The following MCMBP variants were observed in gnomAD, a reference collection of about 807,000 sequenced individuals.
The protein encoded by MCMBP is minichromosome maintenance complex binding protein, also known as mini-chromosome maintenance complex-binding protein.
MCMBP carries 31 observed loss-of-function variants against 81.3 expected under a neutral mutation model. The observed-to-expected ratio is 0.38, with a 90% CI of 0.29 to 0.51. The LOEUF (loss-of-function observed/expected upper bound fraction) is 0.51. Ranked by LOEUF, MCMBP falls within the 20% of genes least tolerant of loss-of-function variation. MCMBP has a pLI of 0.87. For synonymous variants in MCMBP, 267 were observed against 275.9 expected, an observed-to-expected ratio of 0.97 and a Z score of 0.32; for missense variants, 645 against 772.1, an observed-to-expected ratio of 0.84 and a Z score of 1.95.
chr10:119,840,915 G>C lies in MCMBP; in HGVS notation c.1170C>G (p.Asn390Lys). The C allele has an allele frequency of 2.5e-6, 4 of 1,610,914 alleles. No individual in the cohort carries two copies. The highest frequency in any genetic ancestry group is 3.4e-6 in the Non-Finnish European group (4 of 1,178,752). ...TACTATTCCGTGGGCAACCACTCAA[G>C]TTAACTGTAAATTTTCCTAGTGGAA... The part of the protein sequence containing the change: ...DVLPLGKFTV[N>K]LSGCPRNSTF... The change falls in exon 11 of 16, where the codon AAC (asparagine) becomes AAG (lysine). Residue 390 changes from asparagine to lysine, a missense_variant. Coordinates refer to ENST00000369077, the MANE Select transcript of MCMBP (RefSeq NM_001256378.2).
chr10:119,847,993 C>T (rs1852676585), intron 7 of MCMBP, among the ~76,000 whole-genome samples: 1 of 151,630 alleles, frequency 6.6e-6, no homozygotes, highest in Non-Finnish European at 1.5e-5. Flanking sequence ...TTAAAAAAAG[C>T]CTTTTCCCAA....
At chr10:119,866,433 CTGACCAACAT>C (rs1853456587) in intron 1 of MCMBP, among the ~76,000 whole-genome samples, 1 of 152,196 alleles carries the variant, frequency 6.6e-6, no homozygotes, top group Admixed American at 6.5e-5. Flanking sequence ...CAAGAGCAGC[CTGACCAACAT>C]GGTAAAACTC....
intron 14 of MCMBP, among the ~76,000 whole-genome samples, chr10:119,834,515 T>A (rs921359257): frequency 6.6e-6 from 1 of 151,866 alleles, no homozygotes; most frequent in African/African-American, 2.4e-5. Flanking sequence ...CATTCCCAGA[T>A]AAACAAAAAC....
chr10:119,842,598 G>GAAGGAGA lies in MCMBP; in HGVS notation c.1001-10_1001-4dup. ...TTCGGACATGAAACTTGAAACAACT[G>GAAGGAGA]AAGGAGAAAGGAAGACCTGAGTCAG... On this transcript the variant is annotated splice_region_variant and splice_polypyrimidine_tract_variant and intron_variant, in intron 9 of 15. Transcript: ENST00000369077. The GAAGGAGA allele has an allele frequency of 6.2e-7, 1 of 1,612,116 alleles. No individual in the cohort carries two copies. The highest frequency in any genetic ancestry group is 1.7e-5 in the Admixed American group (1 of 59,720).
chr10:119,841,263 T>C (rs936585685), intron 10 of MCMBP, among the ~76,000 whole-genome samples: 4 of 152,160 alleles, frequency 2.6e-5, no homozygotes, highest in Admixed American at 2.6e-4. Flanking sequence ...ACAGAGATGA[T>C]AATAAGCAAC....
chr10:119,842,426 C>T, intron 10 of MCMBP, 46 bp downstream of exon 10: 1 of 1,577,108 alleles, frequency 6.3e-7, no homozygotes, highest in African/African-American at 1.4e-5. Context: ...CTTCCACTTC[C>T]ACACACACCA....
intron 6 of MCMBP, among the ~76,000 whole-genome samples, chr10:119,851,063 G>A (rs577965576): frequency 6.6e-6 from 1 of 151,756 alleles, no homozygotes; most frequent in African/African-American, 2.4e-5. Context: ...AGTAGAGATG[G>A]GGTTTCACCA....
At chr10:119,872,491 TGCCCGCCCG>T in intron 1 of MCMBP, 27 bp downstream of exon 1, 2 of 1,144,714 alleles carry the variant, frequency 1.7e-6, no homozygotes, top group Non-Finnish European at 2.2e-6. Context: ...CAAACTCGGC[TGCCCGCCCG>T]GCCCGCCCCC....
In MCMBP at chr10:119,831,644, AG is replaced by A. The variant is rs1852040608; in HGVS notation, c.1797-45del. ...ACAAATTTAAGTCTAGAGCTGGGAT[AG>A]TAAGTTTTAAATTTTTTTTAAGACC... is the stretch of plus-strand genomic sequence containing the variant. On this transcript the variant is annotated intron_variant, in intron 15 of 15. Coordinates refer to ENST00000369077, the MANE Select transcript of MCMBP (RefSeq NM_001256378.2). The A allele has an allele frequency of 2.5e-6, 4 of 1,595,334 alleles. No homozygotes were observed. In the Admixed American group the frequency reaches 7.3e-5, roughly 29 times the overall value.
chr10:119,829,700 T>C lies in MCMBP; in HGVS notation c.*1774A>G, dbSNP rs1851922833. The C allele has an allele frequency of 6.6e-6, 1 of 152,250 alleles. No individual in the cohort carries two copies. The highest frequency in any genetic ancestry group is 1.9e-4 in the East Asian group (1 of 5,202). 9.4% of individuals were successfully genotyped at this position (152,250 alleles called of 1,614,324 possible). Reference sequence around the variant, plus strand: ...CACCTCCTCCACTTCAGTTCAGCTCTCTCATGTCTTCCACCAAGAGGACAT... The same window carrying C: ...CACCTCCTCCACTTCAGTTCAGCTCCCTCATGTCTTCCACCAAGAGGACAT... On this transcript the variant is annotated 3_prime_UTR_variant, in exon 16 of 16. Coordinates refer to ENST00000369077, the MANE Select transcript of MCMBP (RefSeq NM_001256378.2).
Position 119,837,838 on chromosome 10 carries a change from G to C in MCMBP, c.1408+697C>G, listed in dbSNP as rs569411579. ...TCTACACTTCCCTTTTGAGGTATTA[G>C]ATGACTAAAGGCAAAGCTTCCTCCC... On this transcript the variant is annotated intron_variant, in intron 12 of 15. Transcript: ENST00000369077. Among the ~76,000 whole-genome samples the C allele has an allele frequency of 2.6e-5, 4 of 152,112 alleles. No homozygotes were observed. In the South Asian group the frequency reaches 8.3e-4, roughly 32 times the overall value.
intron 14 of MCMBP, 53 bp from the exon 15 acceptor site, chr10:119,832,153 A>T: frequency 2.0e-6 from 3 of 1,523,882 alleles, no homozygotes; most frequent in Non-Finnish European, 2.7e-6. Context: ...GGAAAAGAAA[A>T]TTAACATGGT....
intron 11 of MCMBP, 105 bp downstream of exon 11, chr10:119,840,738 G>A: frequency 1.7e-6 from 1 of 602,316 alleles, no homozygotes; most frequent in Non-Finnish European, 2.8e-6. Flanking sequence ...CCTTAAATAA[G>A]ATCTATTAAA....
chr10:119,840,283 G>C (rs1285583926), intron 11 of MCMBP, among the ~76,000 whole-genome samples: 1 of 152,034 alleles, frequency 6.6e-6, no homozygotes, highest in Non-Finnish European at 1.5e-5. Context: ...GAATACATTC[G>C]GTTCAATAAA....
At chr10:119,870,608 A>C (rs919918783) in intron 1 of MCMBP, among the ~76,000 whole-genome samples, 1 of 152,196 alleles carries the variant, frequency 6.6e-6, no homozygotes, top group African/African-American at 2.4e-5. Flanking sequence ...TTTCTGCTAT[A>C]TGTTGCTGAA....
rs1363421321 is a variant in MCMBP, at chr10:119,833,539, A to C, written c.1708-1439T>G. ...CAAAAAAACAAAACTTTAGTTGGGCATGGTGGTGCACACCTATGGTCCCAG... is the reference window on the plus strand; with the variant it reads ...CAAAAAAACAAAACTTTAGTTGGGCCTGGTGGTGCACACCTATGGTCCCAG... On this transcript the variant is annotated intron_variant, in intron 14 of 15. Transcript: ENST00000369077. Among the ~76,000 whole-genome samples the C allele has an allele frequency of 2.0e-5, 3 of 152,200 alleles. No individual in the cohort carries two copies. In the East Asian group the frequency reaches 5.8e-4, roughly 29 times the overall value.
chr10:119,865,897 G>A (rs979894087), intron 1 of MCMBP, among the ~76,000 whole-genome samples: 1 of 151,540 alleles, frequency 6.6e-6, no homozygotes, highest in Non-Finnish European at 1.5e-5. Flanking sequence ...GCAACATAGT[G>A]AGACCCCAAA....
At position 119,831,487 on chromosome 10, in the gene MCMBP, C is replaced by A; in HGVS notation, c.1910G>T (p.Gly637Val). The part of the protein sequence containing the change: ...TRLQQQKCVN[G>V]NEL ...GGTATTACATCTTTAAAGTTCATTTCCATTCACACATTTTTGCTGCTGAAG... is the reference window on the plus strand; with the variant it reads ...GGTATTACATCTTTAAAGTTCATTTACATTCACACATTTTTGCTGCTGAAG... Residue 637 changes from glycine to valine, a missense_variant, in exon 16 of 16, where the codon GGA (glycine) becomes GTA (valine). Coordinates refer to ENST00000369077, the MANE Select transcript of MCMBP (RefSeq NM_001256378.2). 6.2e-7 allele frequency: 1 copy of A among 1,613,874 alleles called. No individual in the cohort carries two copies. The highest frequency in any genetic ancestry group is 8.5e-7 in the Non-Finnish European group (1 of 1,179,866).
chr10:119,857,097 CAA>C (rs34331152), intron 5 of MCMBP, among the ~76,000 whole-genome samples: 3,485 of 82,330 alleles, frequency 0.042, 89 homozygotes, highest in East Asian at 0.2. Flanking sequence ...GTCCCTATCT[CAA>C]AAAAAAAAAA....
Sources: gnomAD v4.1 joint callset for allele counts (sites outside exome capture counted in the v4.1 genomes callset) on GRCh38, gnomAD v4.1.1 for gene constraint, MANE v1.5 for transcripts, NCBI Gene and HGNC (gene_info 2026-07-23, HGNC 2026-07-21) for gene names.